Variants in STAG1 observed in about 807,000 individuals in gnomAD.
The protein encoded by STAG1 is STAG1 cohesin complex component, also known as cohesin subunit SA-1.
In STAG1, 26 loss-of-function variants were observed where a neutral mutation model predicts 170.9. The ratio of observed to expected loss-of-function variants is 0.15; its 90% CI spans 0.11 to 0.21. STAG1 has a LOEUF of 0.21. Ranked by LOEUF, STAG1 falls within the 10% of genes least tolerant of loss-of-function variation. The probability of loss-of-function intolerance (pLI) is 1.00; values close to 1 mark genes in which losing one functional copy is unlikely to be tolerated. For synonymous variants in STAG1, 514 were observed against 497.7 expected, an observed-to-expected ratio of 1.03 and a Z score of -0.44; for missense variants, 964 against 1,509.5, an observed-to-expected ratio of 0.64 and a Z score of 5.99.
intron 1 of STAG1, among the ~76,000 whole-genome samples, chr3:136,639,067 TCACA>T (rs370462341): frequency 1.3e-5 from 2 of 149,866 alleles, no homozygotes; most frequent in African/African-American, 4.9e-5. Flanking sequence ...GAGAGAATGC[TCACA>T]CACACACACA....
intron 1 of STAG1, among the ~76,000 whole-genome samples, chr3:136,700,876 C>CTTTTTTTTTTTTTTTTTTT (rs35459362): frequency 2.6e-5 from 2 of 78,356 alleles, no homozygotes; most frequent in Non-Finnish European, 4.6e-5. Flanking sequence ...TATTTTTTTT[C>CTTTTTTTTTTTTTTTTTTT]TTTTTTTTTT....
chr3:136,388,610 G>A (rs530441722), intron 22 of STAG1, among the ~76,000 whole-genome samples: 9 of 151,954 alleles, frequency 5.9e-5, no homozygotes, highest in East Asian at 5.9e-4. Context: ...CTCCAGATCC[G>A]CCCACCTCAG....
chr3:136,409,575 C>A (rs2087569815), intron 21 of STAG1, among the ~76,000 whole-genome samples: 1 of 152,052 alleles, frequency 6.6e-6, no homozygotes, highest in Non-Finnish European at 1.5e-5. Context: ...GGCCTGAAGT[C>A]ATCCACCTGC....
intron 9 of STAG1, among the ~76,000 whole-genome samples, chr3:136,498,261 C>CATACATATACAT (rs1933253372): frequency 1.1e-5 from 1 of 90,564 alleles, no homozygotes; most frequent in Non-Finnish European, 2.1e-5. Context: ...CACACACACA[C>CATACATATACAT]ACACACACAC....
chr3:136,551,196 GTTGAGAGAGA>G (rs1488787097), intron 5 of STAG1, among the ~76,000 whole-genome samples: 4 of 74,632 alleles, frequency 5.4e-5, no homozygotes, highest in African/African-American at 1.3e-4. Context: ...AGAGAGAGAG[GTTGAGAGAGA>G]GTGAGAGAGA....
At chr3:136,574,472 A>C (rs909515654) in intron 4 of STAG1, among the ~76,000 whole-genome samples, 2 of 152,184 alleles carry the variant, frequency 1.3e-5, no homozygotes, top group African/African-American at 4.8e-5. Context: ...ACATACACAC[A>C]CATATATACA....
chr3:136,751,006 CCA>C (rs1935198107), intron 1 of STAG1, among the ~76,000 whole-genome samples: 1 of 152,170 alleles, frequency 6.6e-6, no homozygotes, highest in Non-Finnish European at 1.5e-5. Context: ...CATTCAAATT[CCA>C]GATAAGTTAC....
chr3:136,367,335 T>G (rs1407809352), intron 24 of STAG1, among the ~76,000 whole-genome samples: 1 of 152,022 alleles, frequency 6.6e-6, no homozygotes, highest in East Asian at 1.9e-4. Context: ...CTGAATAAGA[T>G]AAGCAAACCA....
intron 9 of STAG1, among the ~76,000 whole-genome samples, chr3:136,495,240 T>G (rs566236353): frequency 6.6e-6 from 1 of 152,154 alleles, no homozygotes; most frequent in Non-Finnish European, 1.5e-5. Flanking sequence ...AAAATTTGTA[T>G]GCAAAAAGTA....
In STAG1 at chr3:136,745,202, T is replaced by C. The variant is rs548283603; in HGVS notation, c.-84+6993A>G. ...CCATTGAAATTCTTGGACAACTAAA[T>C]GGTACATCATTTTGGCCCATAGCAC... On this transcript the variant is annotated intron_variant, in intron 1 of 33. Transcript: ENST00000383202. Among the ~76,000 whole-genome samples the C allele has an allele frequency of 3.0e-4, 45 of 152,316 alleles. No homozygotes were observed. The South Asian group carries it at 9.1e-3, about 31-fold the overall frequency.
rs1935736260 is a variant in STAG1, at chr3:136,337,526, T to G, written c.*728A>C. 6.5e-6 allele frequency: 1 copy of G among 152,684 alleles called. No homozygotes were observed. Among genetic ancestry groups the G allele is most frequent in the African/African-American group, 2.4e-5 (1 of 41,470 alleles). 9.5% of individuals were successfully genotyped at this position (152,684 alleles called of 1,614,324 possible). A position where few individuals can be genotyped will look rare whatever the true frequency, so the allele number is the denominator to read the frequency against. On this transcript the variant is annotated 3_prime_UTR_variant, in exon 34 of 34. Coordinates refer to ENST00000383202, the MANE Select transcript of STAG1 (RefSeq NM_005862.3). ...TATAAAATGAACGGTGTACAGCATC[T>G]GTTGGAAAAATGGCTGCATGGACAT... is the stretch of plus-strand genomic sequence containing the variant.
At chr3:136,375,962 CCGTCTCA>C (rs1937576670) in intron 23 of STAG1, among the ~76,000 whole-genome samples, 1 of 99,556 alleles carries the variant, frequency 1.0e-5, no homozygotes, top group South Asian at 2.9e-4. Flanking sequence ...GTGGGAGACT[CCGTCTCA>C]AAATAAATAA....
intron 6 of STAG1, among the ~76,000 whole-genome samples, chr3:136,540,822 C>CAGAAAAAAAAAA (rs1553742979): frequency 8.6e-5 from 4 of 46,304 alleles, no homozygotes; most frequent in Admixed American, 4.1e-4. Context: ...ACTGTGTCTC[C>CAGAAAAAAAAAA]AAAAAAAAAA....
At chr3:136,714,951 A>T (rs1033385823) in intron 1 of STAG1, among the ~76,000 whole-genome samples, 8 of 80,286 alleles carry the variant, frequency 1.0e-4, no homozygotes, top group African/African-American at 3.3e-4. Context: ...ATATATATAT[A>T]TATATATATA....
intron 1 of STAG1, chr3:136,736,631 CCA>C: frequency 6.2e-7 from 1 of 1,602,832 alleles, no homozygotes; most frequent in Non-Finnish European, 8.5e-7. Flanking sequence ...AGTTTTTCTG[CCA>C]CTCTCTTTCC....
intron 1 of STAG1, among the ~76,000 whole-genome samples, chr3:136,739,332 C>A (rs1934523192): frequency 6.6e-6 from 1 of 151,840 alleles, no homozygotes; most frequent in African/African-American, 2.4e-5. Flanking sequence ...ACCTTGGCAA[C>A]ATGGTGAGAC....
intron 1 of STAG1, among the ~76,000 whole-genome samples, chr3:136,667,994 C>T (rs1156795788): frequency 6.6e-6 from 1 of 151,898 alleles, no homozygotes; most frequent in African/African-American, 2.4e-5. Flanking sequence ...TAAGACCATC[C>T]TGGCCAACTG....
At chr3:136,724,703 C>T (rs1456357682) in intron 1 of STAG1, among the ~76,000 whole-genome samples, 1 of 151,468 alleles carries the variant, frequency 6.6e-6, no homozygotes, top group African/African-American at 2.4e-5. Context: ...GAGCCAGGTA[C>T]ACAGAAGTCA....
At chr3:136,650,261 C>G (rs1408080858) in intron 1 of STAG1, among the ~76,000 whole-genome samples, 1 of 148,588 alleles carries the variant, frequency 6.7e-6, no homozygotes, top group Non-Finnish European at 1.5e-5. Flanking sequence ...GAGAGAGAGA[C>G]AGGAAAAATA....
Sources: allele counts gnomAD v4.1 joint callset (sites outside exome capture counted in the v4.1 genomes callset), GRCh38; gene constraint gnomAD v4.1.1; transcripts MANE v1.5; gene names NCBI Gene and HGNC (gene_info 2026-07-23, HGNC 2026-07-21).